The following TTLL1 variants were observed in gnomAD, a reference collection of about 807,000 sequenced individuals.
TTLL1 encodes TTL family tubulin polyglutamylase complex subunit L1.
A neutral mutation model predicts 47.8 loss-of-function variants in TTLL1; 33 were observed. The ratio of observed to expected loss-of-function variants is 0.69; its 90% CI spans 0.52 to 0.92. TTLL1 has a LOEUF of 0.92. Among genes scored for constraint, TTLL1 ranks in the 40% least tolerant of loss-of-function variants. The pLI, the probability that TTLL1 is intolerant of heterozygous loss-of-function variation, is 0.00. For missense variants in TTLL1, 488 were observed against 547.5 expected (o/e 0.89, Z 1.08); for synonymous variants, 225 against 214.1 (o/e 1.05, Z -0.45).
chr22:43,080,681 A>T (rs147037241), intron 1 of TTLL1, among the ~76,000 whole-genome samples: 2 of 151,566 alleles, frequency 1.3e-5, no homozygotes, highest in Non-Finnish European at 2.9e-5. Flanking sequence ...ACTCCTACCA[A>T]TCATTCAAGG....
chr22:43,045,211 T>TACTGTGTTC (rs1414558494), intron 10 of TTLL1, among the ~76,000 whole-genome samples: 4 of 152,094 alleles, frequency 2.6e-5, no homozygotes, highest in Admixed American at 1.3e-4. Flanking sequence ...GAATGAACCA[T>TACTGTGTTC]ACTGTGTTCA....
chr22:43,040,175 C>T (rs1398766762), intron 10 of TTLL1: 8 of 334,734 alleles, frequency 2.4e-5, no homozygotes, highest in Admixed American at 1.9e-4. Flanking sequence ...GGTCTCCCCT[C>T]GGAAGCTGAC....
At chr22:43,076,837 C>G (rs926071187) in intron 2 of TTLL1, among the ~76,000 whole-genome samples, 2 of 151,816 alleles carry the variant, frequency 1.3e-5, no homozygotes, top group Non-Finnish European at 2.9e-5. Flanking sequence ...CATGGTGGCT[C>G]ACGCCTGTAA....
chr22:43,079,766 A>T (rs1051422996), intron 2 of TTLL1, 136 bp downstream of exon 2: 2 of 152,228 alleles, frequency 1.3e-5, no homozygotes, highest in African/African-American at 2.4e-5. Flanking sequence ...CGGGCCAAAC[A>T]TCCTCATCCA....
intron 10 of TTLL1, among the ~76,000 whole-genome samples, chr22:43,042,941 T>TC (rs1205285712): frequency 2.0e-5 from 3 of 147,900 alleles, no homozygotes; most frequent in African/African-American, 5.0e-5. Context: ...GCTTTTTCTT[T>TC]TTTTTTTTTT....
chr22:43,082,159 ATTTT>A (rs112916743), intron 1 of TTLL1, among the ~76,000 whole-genome samples: 2 of 144,104 alleles, frequency 1.4e-5, no homozygotes, highest in Non-Finnish European at 3.0e-5. Context: ...GACCCCTTCC[ATTTT>A]TTTTTTTTTT....
intron 3 of TTLL1, among the ~76,000 whole-genome samples, chr22:43,072,177 G>A (rs1283112285): frequency 6.4e-5 from 9 of 141,384 alleles, no homozygotes; most frequent in South Asian, 2.2e-4. Context: ...TTTTTGAGAC[G>A]GAGTCTTGCT....
chr22:43,049,321 C>T (rs998343887), intron 9 of TTLL1, among the ~76,000 whole-genome samples: 8 of 151,256 alleles, frequency 5.3e-5, no homozygotes, highest in Middle Eastern at 3.2e-3. Context: ...GTCAGGAGTT[C>T]GAGACCAGCC....
intron 1 of TTLL1, among the ~76,000 whole-genome samples, chr22:43,085,801 G>A (rs1371997016): frequency 1.3e-5 from 2 of 152,170 alleles, no homozygotes; most frequent in South Asian, 2.1e-4. Context: ...CAGCCTACAC[G>A]CTTCCCTCCC....
At chr22:43,071,366 G>A (rs945772858) in intron 3 of TTLL1, among the ~76,000 whole-genome samples, 1 of 152,080 alleles carries the variant, frequency 6.6e-6, no homozygotes, top group Admixed American at 6.6e-5. Flanking sequence ...CGGGCGCAGT[G>A]GCTCACGTCT....
intron 8 of TTLL1, among the ~76,000 whole-genome samples, chr22:43,055,409 G>A (rs1926933282): frequency 6.6e-6 from 1 of 151,972 alleles, no homozygotes; most frequent in African/African-American, 2.4e-5. Context: ...ACAGCTCCCT[G>A]TAGCCTCCAT....
At chr22:43,076,994 G>A (rs1279975872) in intron 2 of TTLL1, among the ~76,000 whole-genome samples, 3 of 151,874 alleles carry the variant, frequency 2.0e-5, no homozygotes, top group African/African-American at 7.3e-5. Flanking sequence ...CCAGCTACTT[G>A]GGAGGCTGAG....
chr22:43,045,470 A>ATTTTTTTTTTTT (rs57003421), intron 10 of TTLL1, among the ~76,000 whole-genome samples: 5 of 107,978 alleles, frequency 4.6e-5, no homozygotes, highest in Admixed American at 2.3e-4. Flanking sequence ...TATTATACCC[A>ATTTTTTTTTTTT]TTTTTTTTTT....
At chr22:43,062,783 T>C (rs1434523327) in intron 7 of TTLL1, among the ~76,000 whole-genome samples, 1 of 151,966 alleles carries the variant, frequency 6.6e-6, no homozygotes, top group Non-Finnish European at 1.5e-5. Flanking sequence ...GCTGAGATCA[T>C]GCCACTGCAC....
At chr22:43,065,306 T>A (rs1927657325) in intron 5 of TTLL1, among the ~76,000 whole-genome samples, 1 of 152,034 alleles carries the variant, frequency 6.6e-6, no homozygotes, top group African/African-American at 2.4e-5. Flanking sequence ...ATATATATTT[T>A]TGAGACACAG....
In TTLL1 at chr22:43,059,470, G is replaced by C. The variant is rs767810861; in HGVS notation, c.805C>G (p.Leu269Val). ...ACCTCCTTGCCGCGGGTGCTCTCCA[G>C]GTAGAGCCGCAGGTTACTCACTGTC... ...KWTVSNLRLY[L>V]ESTRGKEVTS... is the part of the protein sequence containing the mutation. The change falls in exon 8 of 11, where the codon CTG becomes GTG. Residue 269 changes from leucine to valine, a missense_variant. Leu to Val is a conservative substitution (Grantham distance 32). Transcript: ENST00000266254. 1.9e-6 allele frequency: 3 copies of C among 1,614,004 alleles called. No homozygotes were observed. Among genetic ancestry groups the C allele is most frequent in the Admixed American group, 3.3e-5 (2 of 59,968 alleles).
At chr22:43,088,324 CTTTTTTT>C (rs1167618669) in intron 1 of TTLL1, among the ~76,000 whole-genome samples, 13,971 of 55,314 alleles carry the variant, frequency 0.25, 993 homozygotes, top group East Asian at 0.57. Flanking sequence ...AAGGGCCCAT[CTTTTTTT>C]TTTTTTTTTT....
intron 3 of TTLL1, among the ~76,000 whole-genome samples, chr22:43,074,024 A>G (rs1928312563): frequency 6.6e-6 from 1 of 151,340 alleles, no homozygotes; most frequent in African/African-American, 2.4e-5. Flanking sequence ...AGGTTTTGTC[A>G]TGTTGGTCAT....
intron 2 of TTLL1, among the ~76,000 whole-genome samples, chr22:43,077,873 G>A (rs190204888): frequency 3.9e-4 from 60 of 152,252 alleles, no homozygotes; most frequent in Non-Finnish European, 6.6e-4. Flanking sequence ...TTGAGAGGCC[G>A]AGGCAGGCGG....
Sources: gnomAD v4.1 joint callset for allele counts (sites outside exome capture counted in the v4.1 genomes callset) on GRCh38, gnomAD v4.1.1 for gene constraint, MANE v1.5 for transcripts, NCBI Gene and HGNC (gene_info 2026-07-23, HGNC 2026-07-21) for gene names.